Variants in PKD1 observed in about 807,000 individuals in gnomAD.
The protein encoded by PKD1 is polycystin 1, transient receptor potential channel interacting.
In PKD1, 81 loss-of-function variants were observed where a neutral mutation model predicts 361.7. That is an observed-to-expected ratio of 0.22 (90% CI 0.19 to 0.27). PKD1 has a LOEUF of 0.27. PKD1 is among the 10% of genes least tolerant of loss of function. PKD1 has a pLI of 1.00. For missense variants in PKD1, 6,399 were observed against 6,118.3 expected (o/e 1.05, Z -1.53); for synonymous variants, 3,615 against 2,818.3 (o/e 1.28, Z -8.95).
rs764265438 is a variant in PKD1 at position 2,111,522 on chromosome 16, G to A, written c.3645C>T (p.Leu1215=). The A allele has an allele frequency of 1.2e-6, 2 of 1,607,296 alleles. No individual in the cohort carries two copies. Among genetic ancestry groups the A allele is most frequent in the Non-Finnish European group, 1.7e-6 (2 of 1,177,696 alleles). The part of the protein sequence containing the change: ...DVRVFEELRG[L]SVDMSLAVEQ... ...CCACGGCCAGGCTCATGTCCACGCT[G>A]AGTCCGCGGAGCTCCTCAAAGACGC... The change falls in exon 15 of 46, where the codon CTC becomes CTT. Residue 1215 remains leucine, a synonymous_variant. Coordinates refer to ENST00000262304, the MANE Select transcript of PKD1 (RefSeq NM_001009944.3).
rs2091333255 is a variant in PKD1, at chr16:2,089,310, AGG to A, written c.*415_*416del. The A allele has an allele frequency of 1.1e-5, 3 of 263,824 alleles. No homozygotes were observed. The highest frequency in any genetic ancestry group is 1.3e-3 in the Middle Eastern group (1 of 770). 16.3% of individuals were successfully genotyped at this position (263,824 alleles called of 1,614,324 possible). On this transcript the variant is annotated 3_prime_UTR_variant, in exon 46 of 46. Coordinates refer to ENST00000262304, the MANE Select transcript of PKD1 (RefSeq NM_001009944.3). ...CACGAGACACACAGTGAGACGGTGCAGGGAGTACGGTAGGAACTGGAGAGGTA... is the reference window on the plus strand; with the variant it reads ...CACGAGACACACAGTGAGACGGTGCAGAGTACGGTAGGAACTGGAGAGGTA...
rs2091286697 is a variant in PKD1, at chr16:2,088,933, G to A, written c.*794C>T. The A allele has an allele frequency of 2.6e-6, 1 of 381,048 alleles. No homozygotes were observed. 23.6% of individuals were successfully genotyped at this position (381,048 alleles called of 1,614,324 possible). Reference sequence around the variant, plus strand: ...CCTCCACCCTGGGAGCCAGCCCCCAGGAGGAGTCTTTTCCTCTAACCACCC... The same window carrying A: ...CCTCCACCCTGGGAGCCAGCCCCCAAGAGGAGTCTTTTCCTCTAACCACCC... On this transcript the variant is annotated 3_prime_UTR_variant, in exon 46 of 46. Coordinates refer to ENST00000262304, the MANE Select transcript of PKD1 (RefSeq NM_001009944.3).
intron 1 of PKD1, among the ~76,000 whole-genome samples, chr16:2,124,241 G>A (rs967092794): frequency 2.6e-5 from 4 of 152,248 alleles, no homozygotes; most frequent in East Asian, 1.9e-4. Flanking sequence ...CTGCCGGCCC[G>A]AGGTAGCTGA....
At chr16:2,105,293 G>A (rs1248286795) in intron 21 of PKD1, 29 bp downstream of exon 21, 3 of 1,592,132 alleles carry the variant, frequency 1.9e-6, no homozygotes, top group Admixed American at 1.7e-5. Context: ...AGGCATGCGG[G>A]GCAGGGTGAG....
rs149561527 is a variant in PKD1 at position 2,110,352 on chromosome 16, G to T, written c.4815C>A (p.Gly1605=). 1.2e-6 allele frequency: 2 copies of T among 1,612,634 alleles called. No individual in the cohort carries two copies. Among genetic ancestry groups the T allele is most frequent in the Non-Finnish European group, 1.7e-6 (2 of 1,179,850 alleles). ...CAGCCGTGACGATGATATTGAAGGTGCCCACGGAGCGGAAGGTGTAAGAGA... is the reference window on the plus strand; with the variant it reads ...CAGCCGTGACGATGATATTGAAGGTTCCCACGGAGCGGAAGGTGTAAGAGA... ...PTISYTFRSV[G]TFNIIVTAEN... The change falls in exon 15 of 46, where the codon GGC becomes GGA. Residue 1605 remains glycine (G), a synonymous_variant. Transcript: ENST00000262304.
intron 34 of PKD1, among the ~76,000 whole-genome samples, chr16:2,095,799 G>A (rs2091822183): frequency 6.6e-6 from 1 of 152,240 alleles, no homozygotes; most frequent in African/African-American, 2.4e-5. Flanking sequence ...CGGAGTCTGA[G>A]CTGCCGTCAG....
intron 1 of PKD1, among the ~76,000 whole-genome samples, chr16:2,134,531 T>A (rs2092927299): frequency 6.9e-6 from 1 of 144,460 alleles, no homozygotes; most frequent in Admixed American, 6.8e-5. Flanking sequence ...TGTCTGCTTA[T>A]CTTAGTCCCC....
chr16:2,101,280 G>T (rs113499137), intron 26 of PKD1, among the ~76,000 whole-genome samples: 1 of 152,194 alleles, frequency 6.6e-6, no homozygotes, highest in African/African-American at 2.4e-5. Flanking sequence ...CACCGCGCCC[G>T]GCCGACAGTT....
chr16:2,121,490 G>A (rs752578493), intron 1 of PKD1, among the ~76,000 whole-genome samples: 15 of 152,156 alleles, frequency 9.9e-5, no homozygotes, highest in South Asian at 2.1e-4. Flanking sequence ...GGTCACAGCC[G>A]TAGGAAAAAC....
rs148538206 is a variant in PKD1 at position 2,110,028 on chromosome 16, G to A, written c.5139C>T (p.Asp1713=). Residue 1713 remains aspartate (D), a synonymous_variant, in exon 15 of 46, where the codon GAC becomes GAT. Transcript: ENST00000262304. The part of the protein sequence containing the change: ...LGSAWADCTM[D]FVEPVGWLMV... ...TCAGCCACCCCACAGGCTCCACGAAGTCCATGGTGCAGTCGGCCCAGGCGC... is the reference window on the plus strand; with the variant it reads ...TCAGCCACCCCACAGGCTCCACGAAATCCATGGTGCAGTCGGCCCAGGCGC... 38 of 1,610,426 alleles carry A rather than the reference G, an allele frequency of 2.4e-5. No homozygotes were observed. In the South Asian group the frequency reaches 4.0e-4, roughly 17 times the overall value.
rs1322095511 is a variant in PKD1, at chr16:2,108,938, C to T, written c.6229G>A (p.Ala2077Thr). Residue 2077 changes from alanine to threonine, a missense_variant, in exon 15 of 46, where the codon GCG becomes ACG. By Grantham distance (58) the Ala-to-Thr change is moderately conservative (BLOSUM62 0). Coordinates refer to ENST00000262304, the MANE Select transcript of PKD1 (RefSeq NM_001009944.3). ...QSGPCFTNRS[A>T]QFEAATSPSP... ...GGGCTGGTGGCGGCCTCAAACTGCG[C>T]CGAGCGGTTGGTGAAGCAGGGGCCG... is the stretch of plus-strand genomic sequence containing the variant. 6 of 1,603,132 alleles carry T rather than the reference C, an allele frequency of 3.7e-6. No individual in the cohort carries two copies. The highest frequency in any genetic ancestry group is 5.1e-6 in the Non-Finnish European group (6 of 1,176,456).
At chr16:2,092,313 T>C (rs2091630067) in intron 39 of PKD1, 125 bp from the exon 40 acceptor site, 1 of 1,108,886 alleles carries the variant, frequency 9.0e-7, no homozygotes, top group Non-Finnish European at 1.3e-6. Context: ...CCAGCAGCCA[T>C]CAATTAGACA....
intron 7 of PKD1, 80 bp from the exon 8 acceptor site, chr16:2,116,724 G>A (rs893135811): frequency 1.9e-5 from 23 of 1,185,626 alleles, no homozygotes; most frequent in South Asian, 5.2e-5. Flanking sequence ...CGAGCCGCCC[G>A]AAAACCCCCC....
At position 2,118,442 on chromosome 16, in the gene PKD1, G is replaced by A. The variant is rs1318938529; in HGVS notation, c.550C>T (p.Leu184Phe). 3 of 1,191,778 alleles carry A rather than the reference G, an allele frequency of 2.5e-6. No homozygotes were observed. The highest frequency in any genetic ancestry group is 3.6e-6 in the Non-Finnish European group (3 of 833,144). 73.8% of individuals were successfully genotyped at this position (1,191,778 alleles called of 1,614,324 possible). A position where few individuals can be genotyped will look rare whatever the true frequency, so the allele number is the denominator to read the frequency against. The change falls in exon 5 of 46, where the codon CTC becomes TTC. Residue 184 changes from leucine to phenylalanine, a missense_variant. Leu to Phe is a conservative substitution (Grantham distance 22). Transcript: ENST00000262304. The surrounding 1 kb of genome is among the most constrained non-coding windows in gnomAD (Gnocchi z 6.0). ...ACGGTGCCTGAGCTGTTGTCAGGGA[G>A]GCAGGCGACATACTCCTCACCTAGA... ...SGCGEEYVAC[L>F]PDNSSGTVAA...
In PKD1 at chr16:2,093,980, G is replaced by A. The variant is rs779271659; in HGVS notation, c.10652C>T (p.Pro3551Leu). 24 of 1,586,836 alleles carry A rather than the reference G, an allele frequency of 1.5e-5. No homozygotes were observed. Among genetic ancestry groups the A allele is most frequent in the African/African-American group, 6.7e-5 (5 of 74,574 alleles). ...LVEGLRKRLL[P>L]AWCASLAHGL... ...GTGGGCCAGGGAGGCACACCAGGCC[G>A]GCAGCAGGCGCTTCCGCAGACCCTC... The change falls in exon 36 of 46, where the codon CCG becomes CTG. Residue 3551 changes from proline (P) to leucine (L), a missense_variant. Transcript: ENST00000262304.
intron 38 of PKD1, 180 bp downstream of exon 38, chr16:2,092,774 T>C (rs965917218): frequency 3.5e-6 from 3 of 855,246 alleles, no homozygotes; most frequent in East Asian, 2.6e-5. Context: ...GGGCCCGTCC[T>C]GTGCACTGCA....
At position 2,108,428 on chromosome 16, in the gene PKD1, C is replaced by T. The variant is rs749515571; in HGVS notation, c.6739G>A (p.Ala2247Thr). ...CGCTCGGGGGCCACCGTCACATTGG[C>T]CTGGATGCTCTGTGTCAGTGGCGTG... Reference protein sequence around the residue: ...GDTPLTQSIQANVTVAPERLV... With the variant: ...GDTPLTQSIQTNVTVAPERLV... The change falls in exon 15 of 46, where the codon GCC becomes ACC. Residue 2247 changes from alanine to threonine, a missense_variant. Physicochemically the swap from Ala to Thr is moderately conservative, Grantham distance 58. Transcript: ENST00000262304. 30 of 1,610,424 alleles carry T rather than the reference C, an allele frequency of 1.9e-5. No individual in the cohort carries two copies. Among genetic ancestry groups the T allele is most frequent in the Non-Finnish European group, 2.1e-5 (25 of 1,179,740 alleles).
At position 2,108,370 on chromosome 16, in the gene PKD1, C is replaced by T. The variant is rs760351888; in HGVS notation, c.6797G>A (p.Arg2266His). ...CAGGTCCCGTGTGTCTGACCACACG[C>T]GGTATGAGCCACCCTCAATGATGGG... is the stretch of plus-strand genomic sequence containing the variant. ...LVPIIEGGSY[R>H]VWSDTRDLVL... Residue 2266 changes from arginine to histidine, a missense_variant, in exon 15 of 46, where the codon CGC (arginine) becomes CAC (histidine). By Grantham distance (29) the Arg-to-His change is conservative. Transcript: ENST00000262304. The T allele has an allele frequency of 1.5e-5, 24 of 1,610,304 alleles. No individual in the cohort carries two copies. Among genetic ancestry groups the T allele is most frequent in the South Asian group, 1.2e-4 (11 of 90,994 alleles).
intron 26 of PKD1, among the ~76,000 whole-genome samples, chr16:2,101,179 G>A (rs1386758969): frequency 6.6e-6 from 1 of 152,112 alleles, no homozygotes; most frequent in Non-Finnish European, 1.5e-5. Context: ...ATTAGAGACA[G>A]GGTTTCACCG....
Sources: allele counts gnomAD v4.1 joint callset (sites outside exome capture counted in the v4.1 genomes callset), GRCh38; gene constraint gnomAD v4.1.1; non-coding constraint Gnocchi (gnomAD v3.1); transcripts MANE v1.5; gene names NCBI Gene and HGNC (gene_info 2026-07-23, HGNC 2026-07-21).